Variants in CLEC16A observed in about 807,000 individuals in gnomAD.
CLEC16A encodes the protein C-type lectin domain containing 16A, also known as protein CLEC16A.
A neutral mutation model predicts 109.5 loss-of-function variants in CLEC16A; 51 were observed. The ratio of observed to expected loss-of-function variants is 0.47; its 90% CI spans 0.37 to 0.59. The LOEUF (loss-of-function observed/expected upper bound fraction) is 0.59. Ranked by LOEUF, CLEC16A falls within the 20% of genes least tolerant of loss-of-function variation. The pLI, the probability that CLEC16A is intolerant of heterozygous loss-of-function variation, is 0.00. For missense variants in CLEC16A, 1,339 were observed against 1,394.0 expected (o/e 0.96, Z 0.63); for synonymous variants, 673 against 564.2 (o/e 1.19, Z -2.73).
intron 22 of CLEC16A, among the ~76,000 whole-genome samples, chr16:11,157,713 C>T (rs2054586321): frequency 6.6e-6 from 1 of 152,184 alleles, no homozygotes; most frequent in Non-Finnish European, 1.5e-5. Context: ...CCTCACCTGG[C>T]CCATGTCGGT....
chr16:11,037,631 C>G (rs908830679), intron 13 of CLEC16A, among the ~76,000 whole-genome samples: 2 of 152,186 alleles, frequency 1.3e-5, no homozygotes, highest in African/African-American at 2.4e-5. Context: ...CCTAGTTTGC[C>G]TCTTTCCATG....
At chr16:11,069,965 C>T (rs1481903172) in intron 19 of CLEC16A, among the ~76,000 whole-genome samples, 4 of 152,140 alleles carry the variant, frequency 2.6e-5, no homozygotes, top group African/African-American at 4.8e-5. Context: ...ATTCTGGTGT[C>T]CTCTGAGGGG....
rs2068961259 is a variant in CLEC16A, at chr16:11,181,637, G to A, written c.*2947G>A. ...CCAGCTGAGGCGCTCCCCCAGGCAG[G>A]AAGGGCCAGCCTTCACCATCGCGTG... On this transcript the variant is annotated 3_prime_UTR_variant, in exon 24 of 24. Coordinates refer to ENST00000409790, the MANE Select transcript of CLEC16A (RefSeq NM_015226.3). 1 of 152,330 alleles carries A rather than the reference G, an allele frequency of 6.6e-6. No homozygotes were observed. The highest frequency in any genetic ancestry group is 1.9e-4 in the East Asian group (1 of 5,198). The allele number at this position is 152,330 out of a possible 1,614,324, so 9.4% of individuals were successfully genotyped here. A position where few individuals can be genotyped will look rare whatever the true frequency, so the allele number is the denominator to read the frequency against.
rs1324791444 is a variant in CLEC16A, at chr16:10,978,255, G to A, written c.903+856G>A. Among the ~76,000 whole-genome samples, 3 of 152,318 alleles carry A rather than the reference G, an allele frequency of 2.0e-5. No individual in the cohort carries two copies. In the South Asian group the frequency reaches 6.2e-4, roughly 32 times the overall value. Reference sequence around the variant, plus strand: ...CTATCCCTCAGGTGATTCTGATTCTGTGCTGCTGGTTCTCAGGGCCCCCCT... The same window carrying A: ...CTATCCCTCAGGTGATTCTGATTCTATGCTGCTGGTTCTCAGGGCCCCCCT... On this transcript the variant is annotated intron_variant, in intron 8 of 23. Transcript: ENST00000409790.
intron 19 of CLEC16A, among the ~76,000 whole-genome samples, chr16:11,068,016 C>G (rs2048862526): frequency 1.3e-5 from 2 of 152,254 alleles, no homozygotes; most frequent in African/African-American, 2.4e-5. Flanking sequence ...TCCCTTTGCT[C>G]TCCTTCTGGC....
chr16:11,005,929 A>G (rs185578708), intron 11 of CLEC16A, among the ~76,000 whole-genome samples: 31 of 152,114 alleles, frequency 2.0e-4, no homozygotes, highest in Admixed American at 1.2e-3. Context: ...CCTGTCTGGA[A>G]ATTTCTGAAT....
chr16:11,127,426 T>A (rs140367184), intron 22 of CLEC16A, among the ~76,000 whole-genome samples: 1 of 152,348 alleles, frequency 6.6e-6, no homozygotes, highest in Non-Finnish European at 1.5e-5. Context: ...TGTGCAAATT[T>A]CTCATGTCTG....
rs925360079 is a variant in CLEC16A at position 11,027,417 on chromosome 16, C to G, written c.1537+2496C>G. The G allele has an allele frequency of 2.7e-6, 4 of 1,457,008 alleles. No individual in the cohort carries two copies. The South Asian group carries it at 4.5e-5, about 17-fold the overall frequency. 90.3% of individuals were successfully genotyped at this position (1,457,008 alleles called of 1,614,324 possible). ...CACCCCCCAGAATCTACAAATGCTG[C>G]GTATAGTGGAAACTTATGTGACCTG... is the stretch of plus-strand genomic sequence containing the variant. On this transcript the variant is annotated intron_variant, in intron 13 of 23. Transcript: ENST00000409790.
Position 10,979,391 on chromosome 16 carries a change from GATCA to G in CLEC16A, c.957+10_957+13del. Reference sequence around the variant, plus strand: ...TTTATCTTCTGTCACAGGTATGCTTGATCATTCACCAATGTCCCCACTACATTTG... The same window carrying G: ...TTTATCTTCTGTCACAGGTATGCTTGTTCACCAATGTCCCCACTACATTTG... On this transcript the variant is annotated intron_variant, in intron 9 of 23. Transcript: ENST00000409790. 6.2e-6 allele frequency: 10 copies of G among 1,612,108 alleles called. No homozygotes were observed. Among genetic ancestry groups the G allele is most frequent in the Non-Finnish European group, 8.5e-6 (10 of 1,179,170 alleles).
At chr16:11,112,495 CAAAAAAAAA>C (rs984574100) in intron 19 of CLEC16A, among the ~76,000 whole-genome samples, 5 of 85,596 alleles carry the variant, frequency 5.8e-5, no homozygotes, top group African/African-American at 2.1e-4. Context: ...CCTATCTCTA[CAAAAAAAAA>C]AAAAAAAAAA....
chr16:11,151,177 A>T (rs892768638), intron 22 of CLEC16A, among the ~76,000 whole-genome samples: 2 of 152,236 alleles, frequency 1.3e-5, no homozygotes, highest in Non-Finnish European at 2.9e-5. Flanking sequence ...TATACTGGCC[A>T]CTTACGTTGT....
intron 19 of CLEC16A, among the ~76,000 whole-genome samples, chr16:11,078,808 C>G (rs2049535282): frequency 6.6e-6 from 1 of 152,152 alleles, no homozygotes; most frequent in South Asian, 2.1e-4. Flanking sequence ...GAGGCAGATT[C>G]CCATCTGCCC....
At chr16:11,062,429 C>T (rs903358190) in intron 19 of CLEC16A, among the ~76,000 whole-genome samples, 5 of 152,192 alleles carry the variant, frequency 3.3e-5, no homozygotes, top group Non-Finnish European at 5.9e-5. Flanking sequence ...GACAGGACCC[C>T]CACAGCCTCC....
chr16:11,021,090 A>G (rs1245991670), intron 12 of CLEC16A, among the ~76,000 whole-genome samples: 1 of 152,084 alleles, frequency 6.6e-6, no homozygotes, highest in African/African-American at 2.4e-5. Context: ...CGAGGCATTC[A>G]CTTCCTCAGC....
intron 19 of CLEC16A, among the ~76,000 whole-genome samples, chr16:11,089,742 C>T (rs1416704071): frequency 6.6e-6 from 1 of 152,206 alleles, no homozygotes; most frequent in Non-Finnish European, 1.5e-5. Context: ...AAGGGCCCGA[C>T]TCAGGAAATG....
intron 19 of CLEC16A, among the ~76,000 whole-genome samples, chr16:11,079,337 A>G (rs539294130): frequency 6.6e-6 from 1 of 152,196 alleles, no homozygotes; most frequent in Admixed American, 6.5e-5. Context: ...CAGCCAGACC[A>G]TGGAGGCTCA....
At chr16:10,953,896 G>A (rs1426651865) in intron 1 of CLEC16A, among the ~76,000 whole-genome samples, 1 of 151,414 alleles carries the variant, frequency 6.6e-6, no homozygotes, top group Non-Finnish European at 1.5e-5. Flanking sequence ...GAAATGGCGT[G>A]AACCCAGGAG....
At chr16:11,133,043 T>G (rs972761863) in intron 22 of CLEC16A, among the ~76,000 whole-genome samples, 2 of 152,210 alleles carry the variant, frequency 1.3e-5, no homozygotes, top group Non-Finnish European at 2.9e-5. Flanking sequence ...CTGGACTTTA[T>G]TCACTTCCTG....
At chr16:11,094,152 T>A (rs1367203239) in intron 19 of CLEC16A, among the ~76,000 whole-genome samples, 4 of 152,202 alleles carry the variant, frequency 2.6e-5, no homozygotes, top group African/African-American at 9.7e-5. Context: ...TCCAGAGTAC[T>A]TCCTCTTTTG....
Sources: allele counts gnomAD v4.1 joint callset (sites outside exome capture counted in the v4.1 genomes callset), GRCh38; gene constraint gnomAD v4.1.1; transcripts MANE v1.5; gene names NCBI Gene and HGNC (gene_info 2026-07-23, HGNC 2026-07-21).